The following ANK3 variants were observed in gnomAD, a reference collection of about 807,000 sequenced individuals.
The protein encoded by ANK3 is ankyrin 3.
A neutral mutation model predicts 370.9 loss-of-function variants in ANK3; 57 were observed. That is an observed-to-expected ratio of 0.15 (90% CI 0.12 to 0.19). ANK3 has a LOEUF of 0.19. Ranked by LOEUF, ANK3 falls within the 10% of genes least tolerant of loss-of-function variation. The pLI, the probability that ANK3 is intolerant of heterozygous loss-of-function variation, is 1.00. For missense variants in ANK3, 4,439 were observed against 5,302.1 expected (o/e 0.84, Z 5.06); for synonymous variants, 1,929 against 1,946.3 (o/e 0.99, Z 0.23).
At chr10:60,638,787 A>C (rs1250356924) in intron 1 of ANK3, among the ~76,000 whole-genome samples, 1 of 152,122 alleles carries the variant, frequency 6.6e-6, no homozygotes, top group Non-Finnish European at 1.5e-5. Flanking sequence ...AGACATCATA[A>C]GAACAAAAGA....
Position 60,085,187 on chromosome 10 carries a change from C to A in ANK3, c.3815G>T (p.Cys1272Phe), listed in dbSNP as rs766394430. The A allele has an allele frequency of 6.2e-7, 1 of 1,612,884 alleles. No homozygotes were observed. The highest frequency in any genetic ancestry group is 8.5e-7 in the Non-Finnish European group (1 of 1,179,490). The change falls in exon 31 of 44, where the codon TGT becomes TTT. Residue 1272 changes from cysteine to phenylalanine, a missense_variant. By Grantham distance (205) the Cys-to-Phe change is radical (BLOSUM62 -2). Around this residue, in one of 13 missense-constraint regions of ANK3, gnomAD observed 702 missense variants for 941.5 expected, o/e 0.75. Transcript: ENST00000280772. ...GTTPLTFIKD[C>F]VSFTTNVSAR... The stretch of plus-strand genomic sequence containing the variant: ...TGAAACATTGGTTGTAAAGGAGACA[C>A]AATCTTTTATAAACGTCAAAGGAGT...
At chr10:60,566,347 T>C (rs2077460398) in intron 2 of ANK3, among the ~76,000 whole-genome samples, 2 of 152,158 alleles carry the variant, frequency 1.3e-5, no homozygotes, top group Admixed American at 1.3e-4. Flanking sequence ...GGGCCACACA[T>C]CTTCCACTTT....
At chr10:60,254,424 GC>G (rs2097708441) in intron 7 of ANK3, among the ~76,000 whole-genome samples, 1 of 152,112 alleles carries the variant, frequency 6.6e-6, no homozygotes, top group South Asian at 2.1e-4. Flanking sequence ...TCTTACTGGA[GC>G]CAGGCTCACC....
At chr10:60,519,873 G>A (rs372397135) in intron 2 of ANK3, among the ~76,000 whole-genome samples, 198 of 152,258 alleles carry the variant, frequency 1.3e-3, no homozygotes, top group African/African-American at 4.5e-3. Context: ...ATATGTGTGC[G>A]TATAGGATGA....
At chr10:60,581,420 T>C (rs979397503) in intron 2 of ANK3, among the ~76,000 whole-genome samples, 3 of 14,412 alleles carry the variant, frequency 2.1e-4, no homozygotes, top group African/African-American at 2.8e-4. Flanking sequence ...ATTTTGCCCT[T>C]TTTTTTTTTT....
rs775774046 is a variant in ANK3, at chr10:60,064,164, A to AT, written c.12443dup (p.Asn4148LysfsTer5). On this transcript the variant is annotated frameshift_variant, in exon 39 of 44. Transcript: ENST00000280772. LOFTEE classifies it high-confidence loss of function. Reference sequence around the variant, plus strand: ...AATATAATTTCGGCATACTTGTGGCATTTTTTCCGTCTCTGGTAACCCATT... The same window carrying AT: ...AATATAATTTCGGCATACTTGTGGCATTTTTTTCCGTCTCTGGTAACCCATT... The AT allele has an allele frequency of 1.3e-6, 2 of 1,556,382 alleles. No homozygotes were observed. The highest frequency in any genetic ancestry group is 1.3e-5 in the South Asian group (1 of 79,946).
intron 2 of ANK3, among the ~76,000 whole-genome samples, chr10:60,544,013 T>C (rs929525673): frequency 6.6e-6 from 1 of 152,100 alleles, no homozygotes; most frequent in Admixed American, 6.6e-5. Context: ...GGAAAGACAA[T>C]GGAATGTGAG....
chr10:60,499,372 T>C (rs1388329173), intron 2 of ANK3, among the ~76,000 whole-genome samples: 6 of 152,210 alleles, frequency 3.9e-5, no homozygotes, highest in Admixed American at 1.3e-4. Context: ...GTATGACTTA[T>C]AGTGCTCATT....
intron 2 of ANK3, among the ~76,000 whole-genome samples, chr10:60,457,080 G>A (rs1268100027): frequency 1.3e-5 from 2 of 151,996 alleles, no homozygotes; most frequent in African/African-American, 4.8e-5. Context: ...TAGGAAGTTG[G>A]GCCTGTAAGA....
intron 7 of ANK3, among the ~76,000 whole-genome samples, chr10:60,237,635 T>C (rs1484766821): frequency 6.6e-6 from 1 of 152,002 alleles, no homozygotes; most frequent in Non-Finnish European, 1.5e-5. Flanking sequence ...ATTATTATTA[T>C]ACTTTAAGTT....
Position 60,138,989 on chromosome 10 carries a change from A to T in ANK3, c.2713T>A (p.Phe905Ile), listed in dbSNP as rs551956898. ...CTGGCAGAACGCGCTCCGAGACTAA[A>T]GCCCATGTAACCCTCTGCAGGCAGG... ...DSLPAEGYMG[F>I]SLGARSASLR... The change falls in exon 24 of 44, where the codon TTT becomes ATT. Residue 905 changes from phenylalanine (F) to isoleucine (I), a missense_variant. Phe to Ile is a conservative substitution (Grantham distance 21). This residue lies in a region of ANK3 where 702 missense variants were observed against 941.5 expected (regional missense o/e 0.75). Transcript: ENST00000280772. 4 of 1,613,892 alleles carry T rather than the reference A, an allele frequency of 2.5e-6. No individual in the cohort carries two copies. The highest frequency in any genetic ancestry group is 2.2e-5 in the South Asian group (2 of 91,058).
chr10:60,517,882 G>A (rs1460255427), intron 2 of ANK3, among the ~76,000 whole-genome samples: 1 of 141,518 alleles, frequency 7.1e-6, no homozygotes, highest in Non-Finnish European at 1.5e-5. Context: ...GGGAAGGGAA[G>A]GCACAGGAAC....
chr10:60,436,054 C>T (rs1405292451), intron 2 of ANK3, among the ~76,000 whole-genome samples: 1 of 151,144 alleles, frequency 6.6e-6, no homozygotes. Flanking sequence ...CGCCACAGCA[C>T]TCCCGCCTGG....
chr10:60,666,947 G>A (rs2079004244), intron 1 of ANK3, among the ~76,000 whole-genome samples: 1 of 151,894 alleles, frequency 6.6e-6, no homozygotes, highest in South Asian at 2.1e-4. Context: ...CCAATTTAGA[G>A]TTGTCAGATA....
chr10:60,207,649 C>A (rs1169454727), intron 10 of ANK3, among the ~76,000 whole-genome samples: 4 of 152,194 alleles, frequency 2.6e-5, no homozygotes, highest in Non-Finnish European at 5.9e-5. Context: ...AATTCCTAGA[C>A]CACTTATGTT....
intron 7 of ANK3, among the ~76,000 whole-genome samples, chr10:60,245,086 G>A (rs528173594): frequency 2.0e-5 from 3 of 152,128 alleles, no homozygotes; most frequent in South Asian, 4.2e-4. Flanking sequence ...GGAGAATGGC[G>A]TGAACCCGGG....
Position 60,575,888 on chromosome 10 carries a change from G to A in ANK3, c.96+39298C>T, listed in dbSNP as rs143004586. 2.2e-3 allele frequency among the ~76,000 whole-genome samples: 340 copies of A among 152,146 alleles called. 3 individuals carry two copies. The highest frequency in any genetic ancestry group is 7.6e-3 in the African/African-American group (317 of 41,526). Reference sequence around the variant, plus strand: ...CTCTACACCTCTACTCTAGAAATACGCATTCAAAGAAATAATGATTGTTTT... The same window carrying A: ...CTCTACACCTCTACTCTAGAAATACACATTCAAAGAAATAATGATTGTTTT... On this transcript the variant is annotated intron_variant, in intron 2 of 43. Transcript: ENST00000373827.
chr10:60,667,161 CTT>C (rs2079007058), intron 1 of ANK3, among the ~76,000 whole-genome samples: 1 of 132,520 alleles, frequency 7.5e-6, no homozygotes, highest in African/African-American at 2.8e-5. Flanking sequence ...TGTGGTAAAA[CTT>C]TATATTATAT....
chr10:60,576,606 G>T (rs774244651), intron 2 of ANK3, among the ~76,000 whole-genome samples: 3 of 152,156 alleles, frequency 2.0e-5, no homozygotes, highest in Non-Finnish European at 4.4e-5. Context: ...TATTTTTAAG[G>T]TTAGGATGTC....
Sources: allele counts gnomAD v4.1 joint callset (sites outside exome capture counted in the v4.1 genomes callset), GRCh38; gene constraint gnomAD v4.1.1; regional missense constraint gnomAD v4.1.1; transcripts MANE v1.5; gene names NCBI Gene and HGNC (gene_info 2026-07-23, HGNC 2026-07-21).